DPP6: variants seen among roughly 807,000 people sequenced by gnomAD.
The protein encoded by DPP6 is dipeptidyl peptidase like 6.
A neutral mutation model predicts 122.6 loss-of-function variants in DPP6; 69 were observed. The observed-to-expected ratio is 0.56, with a 90% confidence interval of 0.46 to 0.69. The LOEUF is 0.69. DPP6 is among the 30% of genes least tolerant of loss of function. The probability of loss-of-function intolerance (pLI) is 0.00; values close to 1 mark genes in which losing one functional copy is unlikely to be tolerated. For missense variants in DPP6, 928 were observed against 1,116.9 expected (o/e 0.83, Z 2.41); for synonymous variants, 418 against 433.1 (o/e 0.97, Z 0.43).
chr7:153,848,082 G>A, the DPP6 span, among the ~76,000 whole-genome samples: 3 of 152,130 alleles, frequency 2.0e-5, no homozygotes, highest in African/African-American at 4.8e-5. Context: ...TTGCCTGGTC[G>A]GGCGGATAGG....
intron 7 of DPP6, among the ~76,000 whole-genome samples, chr7:154,726,417 A>C (rs1320819974): frequency 6.6e-6 from 1 of 152,188 alleles, no homozygotes; most frequent in East Asian, 1.9e-4. Context: ...GCTTAATACC[A>C]AGTGGAAGCC....
intron 1 of DPP6, among the ~76,000 whole-genome samples, chr7:154,337,514 C>A (rs1212766449): frequency 6.6e-6 from 1 of 152,320 alleles, no homozygotes; most frequent in East Asian, 1.9e-4. Flanking sequence ...AGATACATCC[C>A]TACCGGACTC....
Position 154,314,363 on chromosome 7 carries a change from A to C in DPP6, c.244-131851A>C, listed in dbSNP as rs6945483. Among the ~76,000 whole-genome samples the C allele has an allele frequency of 3.7e-3, 558 of 152,326 alleles. 4 individuals carry two copies. Among genetic ancestry groups the C allele is most frequent in the African/African-American group, 0.013 (527 of 41,562 alleles). Reference sequence around the variant, plus strand: ...TGTGCTGACATCCCAATGCTACTTGAATCTTCTTATTTTCAGCATTTGGTC... The same window carrying C: ...TGTGCTGACATCCCAATGCTACTTGCATCTTCTTATTTTCAGCATTTGGTC... On this transcript the variant is annotated intron_variant, in intron 1 of 25. Coordinates refer to ENST00000377770, the MANE Select transcript of DPP6 (RefSeq NM_130797.4).
At chr7:153,988,385 G>A (rs1030022805) in intron 1 of DPP6, among the ~76,000 whole-genome samples, 6 of 151,862 alleles carry the variant, frequency 4.0e-5, no homozygotes, top group Admixed American at 3.3e-4. Flanking sequence ...CTGTCCTCTG[G>A]TTTGCCTGCT....
chr7:154,252,926 G>A (rs1802439049), intron 1 of DPP6, among the ~76,000 whole-genome samples: 1 of 152,196 alleles, frequency 6.6e-6, no homozygotes, highest in Non-Finnish European at 1.5e-5. Flanking sequence ...TTTAAGAGAA[G>A]TCTAGTCTGC....
chr7:154,817,408 T>G, intron 16 of DPP6, among the ~76,000 whole-genome samples: 1 of 152,194 alleles, frequency 6.6e-6, no homozygotes, highest in East Asian at 1.9e-4. Context: ...GAGTGATTTA[T>G]GATGTCATGA....
Position 154,820,613 on chromosome 7 carries a change from G to A in DPP6, c.1666+13501G>A, listed in dbSNP as rs533661244. ...CAGAACAACACCAGAAAGTGCCCTA[G>A]AAAATACAACCAAAAGGCTTCCCAG... is the stretch of plus-strand genomic sequence containing the variant. On this transcript the variant is annotated intron_variant, in intron 16 of 25. Coordinates refer to ENST00000377770, the MANE Select transcript of DPP6 (RefSeq NM_130797.4). 2.0e-5 allele frequency among the ~76,000 whole-genome samples: 3 copies of A among 152,166 alleles called. No individual in the cohort carries two copies. The East Asian group carries it at 5.8e-4, about 29-fold the overall frequency.
chr7:153,870,231 T>C, the DPP6 span, among the ~76,000 whole-genome samples: 13 of 152,336 alleles, frequency 8.5e-5, 1 homozygote, highest in African/African-American at 2.6e-4. Context: ...TCCTGGATAA[T>C]ATCCTGCAGA....
chr7:154,097,337 A>T (rs1409952876), intron 1 of DPP6, among the ~76,000 whole-genome samples: 1 of 152,218 alleles, frequency 6.6e-6, no homozygotes, highest in Non-Finnish European at 1.5e-5. Flanking sequence ...AGCAGCAATG[A>T]TCGCTTATTC....
the DPP6 span, among the ~76,000 whole-genome samples, chr7:153,818,885 G>A: frequency 6.6e-6 from 1 of 151,736 alleles, no homozygotes; most frequent in African/African-American, 2.4e-5. Flanking sequence ...CCAAGTAGCT[G>A]GGATTACAGG....
At chr7:154,793,981 G>A (rs922610359) in intron 10 of DPP6, 98 bp from the exon 11 acceptor site, 84 of 1,482,964 alleles carry the variant, frequency 5.7e-5, no homozygotes, top group Admixed American at 2.2e-5. Context: ...TCCGGCCCCC[G>A]GCTCCCGTGT....
chr7:154,293,962 C>A (rs932318408), intron 1 of DPP6, among the ~76,000 whole-genome samples: 4 of 152,166 alleles, frequency 2.6e-5, no homozygotes, highest in African/African-American at 9.7e-5. Flanking sequence ...GAGCCCTCAG[C>A]CTAGCCATGA....
At chr7:154,596,776 A>AT (rs1193837235) in intron 5 of DPP6, among the ~76,000 whole-genome samples, 1 of 152,234 alleles carries the variant, frequency 6.6e-6, no homozygotes, top group East Asian at 1.9e-4. Flanking sequence ...AGCTTGACAA[A>AT]TGAGGCGAAT....
At chr7:154,038,340 C>T (rs1296890535) in intron 1 of DPP6, 1 of 71,600 alleles carries the variant, frequency 1.4e-5, no homozygotes, top group Non-Finnish European at 2.5e-5. Flanking sequence ...AGGAGCCCAC[C>T]CCACATGCAG....
intron 1 of DPP6, among the ~76,000 whole-genome samples, chr7:154,071,363 C>T (rs1024406670): frequency 1.3e-5 from 2 of 152,184 alleles, no homozygotes; most frequent in African/African-American, 4.8e-5. Context: ...TGGAGTGACC[C>T]TCCGAAGGCC....
intron 8 of DPP6, among the ~76,000 whole-genome samples, chr7:154,759,985 TG>T (rs1795427398): frequency 1.3e-5 from 2 of 152,160 alleles, no homozygotes; most frequent in African/African-American, 2.4e-5. Flanking sequence ...TAGCTGGGCA[TG>T]GTGGTGCACA....
intron 1 of DPP6, among the ~76,000 whole-genome samples, chr7:154,292,773 A>G (rs766021324): frequency 2.8e-4 from 42 of 152,228 alleles, no homozygotes; most frequent in Non-Finnish European, 2.9e-5. Flanking sequence ...TGGAGTTCCA[A>G]TAGCTCATAG....
intron 1 of DPP6, among the ~76,000 whole-genome samples, chr7:154,425,510 T>C (rs980336846): frequency 2.0e-5 from 3 of 152,106 alleles, no homozygotes. Context: ...TGTCCCTATG[T>C]GAGCTTGCTA....
chr7:154,874,196 C>T (rs1804660246), intron 19 of DPP6, among the ~76,000 whole-genome samples: 1 of 152,240 alleles, frequency 6.6e-6, no homozygotes, highest in Non-Finnish European at 1.5e-5. Flanking sequence ...AGATTTTCCC[C>T]ACTTTCTCCA....
Sources: allele counts gnomAD v4.1 joint callset (sites outside exome capture counted in the v4.1 genomes callset), GRCh38; gene constraint gnomAD v4.1.1; transcripts MANE v1.5; gene names NCBI Gene and HGNC (gene_info 2026-07-23, HGNC 2026-07-21).